PUS7: variants seen among roughly 807,000 people sequenced by gnomAD.
PUS7 encodes pseudouridine synthase 7, also known as pseudouridylate synthase 7 homolog.
A neutral mutation model predicts 79.8 loss-of-function variants in PUS7; 48 were observed. The observed-to-expected ratio is 0.60, with a 90% CI of 0.48 to 0.76. The LOEUF is 0.76. Among genes scored for constraint, PUS7 ranks in the 30% least tolerant of loss-of-function variants. PUS7 has a pLI of 0.00. For synonymous variants in PUS7, 286 were observed against 272.2 expected, an observed-to-expected ratio of 1.05 and a Z score of -0.50; for missense variants, 729 against 797.6, an observed-to-expected ratio of 0.91 and a Z score of 1.04.
At chr7:105,505,164 C>T (rs1399658632) in intron 4 of PUS7, among the ~76,000 whole-genome samples, 1 of 151,814 alleles carries the variant, frequency 6.6e-6, no homozygotes, top group South Asian at 2.1e-4. Flanking sequence ...CCACGCTTGG[C>T]TAATTTTTTT....
At chr7:105,480,151 A>G (rs1824262129) in intron 9 of PUS7, among the ~76,000 whole-genome samples, 1 of 152,152 alleles carries the variant, frequency 6.6e-6, no homozygotes, top group African/African-American at 2.4e-5. Flanking sequence ...TCACTTACTG[A>G]GCCAAGACTT....
At chr7:105,476,881 A>G (rs999181749) in intron 9 of PUS7, among the ~76,000 whole-genome samples, 2 of 152,162 alleles carry the variant, frequency 1.3e-5, no homozygotes, top group African/African-American at 4.8e-5. Flanking sequence ...CAGTCTGTCT[A>G]TCTTTGGAAA....
chr7:105,518,087 G>A (rs146346746), intron 1 of PUS7, among the ~76,000 whole-genome samples: 1,646 of 152,050 alleles, frequency 0.011, 31 homozygotes, highest in African/African-American at 0.038. Flanking sequence ...GACAGAAGTC[G>A]CAGTGAGCCG....
intron 7 of PUS7, among the ~76,000 whole-genome samples, chr7:105,485,742 T>G (rs1449192394): frequency 6.6e-6 from 1 of 152,256 alleles, no homozygotes; most frequent in African/African-American, 2.4e-5. Flanking sequence ...TGTATCTGGG[T>G]CTAGGATTAC....
rs73716790 is a variant in PUS7, at chr7:105,458,030, C to T, written c.1850-104G>A. The T allele has an allele frequency of 2.9e-3, 3,889 of 1,321,256 alleles. 83 individuals carry two copies. In the African/African-American group the frequency reaches 0.05, roughly 17 times the overall value. The allele number at this position is 1,321,256 out of a possible 1,614,324, so 81.8% of individuals were successfully genotyped here. Reference sequence around the variant, plus strand: ...AAATACAAAGAACTGTGCTGCTTTCCTTAGACTCCACTTCCTAGGGGGCCT... The same window carrying T: ...AAATACAAAGAACTGTGCTGCTTTCTTTAGACTCCACTTCCTAGGGGGCCT... On this transcript the variant is annotated intron_variant, in intron 15 of 15. Coordinates refer to ENST00000469408, the MANE Select transcript of PUS7 (RefSeq NM_019042.5).
chr7:105,473,281 CCT>C (rs1194995794), intron 9 of PUS7, among the ~76,000 whole-genome samples: 1 of 151,974 alleles, frequency 6.6e-6, no homozygotes, highest in East Asian at 1.9e-4. Context: ...AGACAGTCTC[CCT>C]CTGTTGTCTA....
At chr7:105,482,283 G>A in intron 8 of PUS7, 29 bp downstream of exon 8, 1 of 1,607,786 alleles carries the variant, frequency 6.2e-7, no homozygotes, top group Non-Finnish European at 8.5e-7. Context: ...CAGACCCTCT[G>A]GTCTACATTC....
chr7:105,459,850 A>C lies in PUS7; in HGVS notation c.1758-591T>G, dbSNP rs1316220809. 2.0e-5 allele frequency among the ~76,000 whole-genome samples: 3 copies of C among 152,170 alleles called. No homozygotes were observed. The East Asian group carries it at 5.8e-4, about 29-fold the overall frequency. ...CACTTTGGGCGGCCGAGGTGGGATG[A>C]CTAAGCCCAGGAGTTCAAGACCAGC... On this transcript the variant is annotated intron_variant, in intron 14 of 15. Coordinates refer to ENST00000469408, the MANE Select transcript of PUS7 (RefSeq NM_019042.5).
chr7:105,457,739 C>T lies in PUS7; in HGVS notation c.*51G>A, dbSNP rs766014638. On this transcript the variant is annotated 3_prime_UTR_variant, in exon 16 of 16. Coordinates refer to ENST00000469408, the MANE Select transcript of PUS7 (RefSeq NM_019042.5). ...AACTAAGACAAAAATGCACAGGGAG[C>T]CAGGAAGCAAACACTTGTGTACGTT... The T allele has an allele frequency of 6.3e-7, 1 of 1,580,318 alleles. No individual in the cohort carries two copies.
chr7:105,487,013 T>C (rs1482962172), intron 7 of PUS7, among the ~76,000 whole-genome samples: 1 of 152,048 alleles, frequency 6.6e-6, no homozygotes, highest in African/African-American at 2.4e-5. Context: ...TGAGCCGAGA[T>C]TGTGCCACTT....
At chr7:105,470,601 T>C in intron 11 of PUS7, 87 bp downstream of exon 11, 8 of 1,409,604 alleles carry the variant, frequency 5.7e-6, no homozygotes, top group Non-Finnish European at 7.6e-6. Context: ...TTCTGCTCTT[T>C]CAAAGTTTAG....
chr7:105,461,835 C>G (rs1419512426), intron 14 of PUS7, among the ~76,000 whole-genome samples: 1 of 152,138 alleles, frequency 6.6e-6, no homozygotes, highest in South Asian at 2.1e-4. Flanking sequence ...GTACTGAATA[C>G]TGGAGGCTGC....
intron 9 of PUS7, among the ~76,000 whole-genome samples, chr7:105,474,209 A>G (rs1415061637): frequency 6.6e-6 from 1 of 152,192 alleles, no homozygotes; most frequent in Non-Finnish European, 1.5e-5. Context: ...TGGATATTAA[A>G]TGATCTAAAA....
intron 1 of PUS7, among the ~76,000 whole-genome samples, chr7:105,516,410 G>GC (rs1825896226): frequency 6.6e-6 from 1 of 151,900 alleles, no homozygotes; most frequent in Admixed American, 6.6e-5. Flanking sequence ...TGTCATTTTC[G>GC]CAAGCAGGAA....
rs935763985 is a variant in PUS7, at chr7:105,457,726, A to G, written c.*64T>C. ...ATATATGAGTCTGAACTAAGACAAAAATGCACAGGGAGCCAGGAAGCAAAC... is the reference window on the plus strand; with the variant it reads ...ATATATGAGTCTGAACTAAGACAAAGATGCACAGGGAGCCAGGAAGCAAAC... On this transcript the variant is annotated 3_prime_UTR_variant, in exon 16 of 16. Transcript: ENST00000469408. 5.8e-6 allele frequency: 9 copies of G among 1,546,752 alleles called. No individual in the cohort carries two copies. Among genetic ancestry groups the G allele is most frequent in the Non-Finnish European group, 7.0e-6 (8 of 1,138,004 alleles).
chr7:105,467,271 T>C (rs1823688943), intron 12 of PUS7, among the ~76,000 whole-genome samples: 1 of 145,046 alleles, frequency 6.9e-6, no homozygotes. Flanking sequence ...ATGCCCATTC[T>C]ATTTGAGTTT....
chr7:105,494,985 AAAAAAAAG>A (rs1824947960), intron 6 of PUS7, among the ~76,000 whole-genome samples, 149 bp downstream of exon 6: 1 of 151,416 alleles, frequency 6.6e-6, no homozygotes, highest in African/African-American at 2.4e-5. Flanking sequence ...AAAAAAAAAA[AAAAAAAAG>A]AAAGAAAGAA....
At position 105,457,113 on chromosome 7, in the gene PUS7, C is replaced by T. The variant is rs1206325547; in HGVS notation, c.*677G>A. The T allele has an allele frequency of 1.3e-5, 2 of 151,374 alleles. No homozygotes were observed. Among genetic ancestry groups the T allele is most frequent in the African/African-American group, 2.4e-5 (1 of 41,108 alleles). The allele number at this position is 151,374 out of a possible 1,614,324, so 9.4% of individuals were successfully genotyped here. On this transcript the variant is annotated 3_prime_UTR_variant, in exon 16 of 16. Coordinates refer to ENST00000469408, the MANE Select transcript of PUS7 (RefSeq NM_019042.5). ...TTGCAGGATTGCACTGCAATCCAGCCTGTGCTACAGAGTGAGATCCTGTCT... is the reference window on the plus strand; with the variant it reads ...TTGCAGGATTGCACTGCAATCCAGCTTGTGCTACAGAGTGAGATCCTGTCT...
Position 105,502,505 on chromosome 7 carries a change from A to G in PUS7, c.645T>C (p.Phe215=), listed in dbSNP as rs1825295840. 1 of 1,613,932 alleles carries G rather than the reference A, an allele frequency of 6.2e-7. No homozygotes were observed. Among genetic ancestry groups the G allele is most frequent in the Admixed American group, 1.7e-5 (1 of 59,986 alleles). ...CCTCTGTTTTTGTCTCTAATCCTGG[A>G]AACAGAGATTTGATAGCCTGATGGA... ...TIIHQAIKSL[F]PGLETKTEDR... Residue 215 remains phenylalanine, a synonymous_variant, in exon 5 of 16, where the codon TTT becomes TTC. Coordinates refer to ENST00000469408, the MANE Select transcript of PUS7 (RefSeq NM_019042.5).
Sources: gnomAD v4.1 joint callset for allele counts (sites outside exome capture counted in the v4.1 genomes callset) on GRCh38, gnomAD v4.1.1 for gene constraint, MANE v1.5 for transcripts, NCBI Gene and HGNC (gene_info 2026-07-23, HGNC 2026-07-21) for gene names.